Variants in NRG2 observed in about 807,000 individuals in gnomAD.
NRG2 encodes the protein pro-neuregulin-2, membrane-bound isoform.
Under a neutral mutation model 73.9 loss-of-function variants are expected in NRG2, and 27 were observed. The ratio of observed to expected loss-of-function variants is 0.37; its 90% confidence interval spans 0.27 to 0.50. The LOEUF (loss-of-function observed/expected upper bound fraction) is 0.50. NRG2 is among the 20% of genes least tolerant of loss of function. The pLI is 0.96. For missense variants in NRG2, 1,126 were observed against 1,210.1 expected, an observed-to-expected ratio of 0.93 and a Z score of 1.03; for synonymous variants, 532 against 541.0, an observed-to-expected ratio of 0.98 and a Z score of 0.23.
At chr5:139,934,191 T>G (rs1468554733) in intron 1 of NRG2, among the ~76,000 whole-genome samples, 1 of 152,186 alleles carries the variant, frequency 6.6e-6, no homozygotes, top group Non-Finnish European at 1.5e-5. Context: ...AGACTCTGTC[T>G]CAATAAAATA....
At chr5:139,979,919 T>C (rs1169165883) in intron 1 of NRG2, among the ~76,000 whole-genome samples, 1 of 152,208 alleles carries the variant, frequency 6.6e-6, no homozygotes, top group Non-Finnish European at 1.5e-5. Context: ...GAAATGATTT[T>C]GTATGCAGTA....
chr5:139,997,437 C>T (rs1469744900), intron 1 of NRG2, among the ~76,000 whole-genome samples: 7 of 152,230 alleles, frequency 4.6e-5, no homozygotes, highest in Non-Finnish European at 8.8e-5. Context: ...ACATGGACTG[C>T]CAGTGCTGGC....
rs569196020 is a variant in NRG2 at position 139,868,792 on chromosome 5, G to C, written c.1112+2929C>G. 6.6e-6 allele frequency among the ~76,000 whole-genome samples: 1 copy of C among 152,116 alleles called. No homozygotes were observed. The highest frequency in any genetic ancestry group is 1.5e-5 in the Non-Finnish European group (1 of 68,016). ...GTGAAGGGCCTCTGAGTTCATGAGA[G>C]GGGTGAAGATGTGGCGAGGATGAGC... On this transcript the variant is annotated intron_variant, in intron 4 of 9. Coordinates refer to ENST00000361474, the MANE Select transcript of NRG2 (RefSeq NM_004883.3). This position sits in a 1 kb window ranked among gnomAD's most constrained non-coding sequence, Gnocchi z 4.2.
intron 1 of NRG2, among the ~76,000 whole-genome samples, chr5:140,029,107 G>A (rs555913834): frequency 6.6e-6 from 1 of 152,300 alleles, no homozygotes; most frequent in South Asian, 2.1e-4. Context: ...CCTCCTAGCT[G>A]AGCCCCTCAA....
intron 1 of NRG2, among the ~76,000 whole-genome samples, chr5:139,984,219 A>G (rs1757006608): frequency 6.6e-6 from 1 of 152,200 alleles, no homozygotes; most frequent in Non-Finnish European, 1.5e-5. Flanking sequence ...CATTATTTAT[A>G]ATATATGAAA....
At chr5:140,029,511 G>A (rs1354242429) in intron 1 of NRG2, among the ~76,000 whole-genome samples, 3 of 152,016 alleles carry the variant, frequency 2.0e-5, no homozygotes, top group Admixed American at 6.6e-5. Flanking sequence ...GGCACAAAGA[G>A]GTTCATTAAT....
intron 1 of NRG2, among the ~76,000 whole-genome samples, chr5:139,996,250 A>T (rs1477583945): frequency 6.6e-6 from 1 of 152,198 alleles, no homozygotes; most frequent in Non-Finnish European, 1.5e-5. Flanking sequence ...ATTTTTTTCA[A>T]TGAACAACCT....
intron 1 of NRG2, among the ~76,000 whole-genome samples, chr5:139,996,790 T>C (rs867781698): frequency 2.0e-5 from 3 of 152,186 alleles, no homozygotes; most frequent in Non-Finnish European, 4.4e-5. Flanking sequence ...CCCAAAATGA[T>C]GGCACATGTA....
At chr5:140,007,295 C>A (rs918011064) in intron 1 of NRG2, among the ~76,000 whole-genome samples, 1 of 152,056 alleles carries the variant, frequency 6.6e-6, no homozygotes, top group African/African-American at 2.4e-5. Context: ...ACATCCTGTG[C>A]GAGCTGTAGT....
chr5:139,849,436 G>A (rs929137851), intron 9 of NRG2, among the ~76,000 whole-genome samples: 1 of 152,156 alleles, frequency 6.6e-6, no homozygotes, highest in Non-Finnish European at 1.5e-5. Flanking sequence ...AAGATCCCAT[G>A]AGGTGTCTCT....
chr5:139,941,112 G>A (rs537896311), intron 1 of NRG2, among the ~76,000 whole-genome samples: 9 of 152,204 alleles, frequency 5.9e-5, no homozygotes, highest in Admixed American at 5.9e-4. Context: ...CTGTGAAGCT[G>A]GAATATTGAA....
chr5:139,976,052 T>C (rs2126545573), intron 1 of NRG2, among the ~76,000 whole-genome samples: 1 of 152,308 alleles, frequency 6.6e-6, no homozygotes, highest in East Asian at 1.9e-4. Flanking sequence ...ATACTTTCCT[T>C]ATGTTATAGA....
At chr5:140,000,188 T>C (rs1158405007) in intron 1 of NRG2, among the ~76,000 whole-genome samples, 1 of 152,136 alleles carries the variant, frequency 6.6e-6, no homozygotes, top group African/African-American at 2.4e-5. Context: ...AGTCTGGAGG[T>C]TCTCAGACAA....
chr5:140,005,743 A>G (rs1389006055), intron 1 of NRG2, among the ~76,000 whole-genome samples: 1 of 152,204 alleles, frequency 6.6e-6, no homozygotes, highest in Non-Finnish European at 1.5e-5. Context: ...CTCATGTCTA[A>G]GCTCATGTCA....
chr5:139,943,690 A>G (rs1753580026), intron 1 of NRG2, among the ~76,000 whole-genome samples: 1 of 152,246 alleles, frequency 6.6e-6, no homozygotes, highest in Non-Finnish European at 1.5e-5. Flanking sequence ...AAAGCAAGAC[A>G]TTCAAAGTCC....
At chr5:139,936,146 C>T (rs1368454983) in intron 1 of NRG2, among the ~76,000 whole-genome samples, 1 of 151,308 alleles carries the variant, frequency 6.6e-6, no homozygotes, top group Non-Finnish European at 1.5e-5. Flanking sequence ...GCAAGTTAAA[C>T]CCAAAGTAAA....
chr5:139,913,491 T>C (rs958828460), intron 1 of NRG2, among the ~76,000 whole-genome samples: 6 of 152,200 alleles, frequency 3.9e-5, no homozygotes, highest in Admixed American at 1.3e-4. Flanking sequence ...ATTCTGTAGC[T>C]TCAACACTAC....
intron 3 of NRG2, among the ~76,000 whole-genome samples, chr5:139,877,163 A>C (rs1009828784): frequency 1.3e-5 from 2 of 152,192 alleles, no homozygotes; most frequent in Non-Finnish European, 2.9e-5. Context: ...TCTCTAACTC[A>C]GAAGTGGGTT....
chr5:140,011,420 A>G (rs1759356776), intron 1 of NRG2, among the ~76,000 whole-genome samples: 1 of 152,132 alleles, frequency 6.6e-6, no homozygotes, highest in East Asian at 1.9e-4. Flanking sequence ...TGTGGGCTGG[A>G]CCTACTGACT....
Sources: allele counts gnomAD v4.1 joint callset (sites outside exome capture counted in the v4.1 genomes callset), GRCh38; gene constraint gnomAD v4.1.1; non-coding constraint Gnocchi (gnomAD v3.1); transcripts MANE v1.5; gene names NCBI Gene and HGNC (gene_info 2026-07-23, HGNC 2026-07-21).